The following RBMS3 variants were observed in gnomAD, a reference collection of about 807,000 sequenced individuals.
The protein encoded by RBMS3 is RNA binding motif single stranded interacting protein 3, also known as RNA-binding motif, single-stranded-interacting protein 3.
In RBMS3, 27 loss-of-function variants were observed where a neutral mutation model predicts 66.8. The ratio of observed to expected loss-of-function variants is 0.40; its 90% CI spans 0.30 to 0.56. The LOEUF is 0.56. RBMS3 is among the 20% of genes least tolerant of loss of function. The probability of loss-of-function intolerance (pLI) is 0.40; values close to 1 mark genes in which losing one functional copy is unlikely to be tolerated. For synonymous variants in RBMS3, 188 were observed against 183.0 expected, an observed-to-expected ratio of 1.03 and a Z score of -0.22; for missense variants, 513 against 549.5, an observed-to-expected ratio of 0.93 and a Z score of 0.66.
chr3:29,312,654 G>C (rs1575522231), intron 1 of RBMS3, among the ~76,000 whole-genome samples: 1 of 149,054 alleles, frequency 6.7e-6, no homozygotes, highest in South Asian at 2.1e-4. Flanking sequence ...CTGTCCCTTT[G>C]TCACTCTCTC....
chr3:29,846,061 G>GA (rs1191162083), intron 6 of RBMS3, among the ~76,000 whole-genome samples: 2 of 150,868 alleles, frequency 1.3e-5, no homozygotes, highest in African/African-American at 2.5e-5. Flanking sequence ...TTTTGTCTAT[G>GA]AAAAAAAGTT....
chr3:29,564,320 A>G (rs974654825), intron 3 of RBMS3, among the ~76,000 whole-genome samples: 1 of 151,974 alleles, frequency 6.6e-6, no homozygotes, highest in Non-Finnish European at 1.5e-5. Context: ...CACTAAAAAT[A>G]CAAAAAATAC....
At chr3:29,323,773 G>A (rs2035156269) in intron 1 of RBMS3, among the ~76,000 whole-genome samples, 1 of 150,674 alleles carries the variant, frequency 6.6e-6, no homozygotes, top group Non-Finnish European at 1.5e-5. Flanking sequence ...CAATAATTTA[G>A]TATCTCTTCA....
intron 4 of RBMS3, among the ~76,000 whole-genome samples, chr3:29,693,885 C>T (rs577528705): frequency 1.3e-5 from 2 of 152,212 alleles, no homozygotes; most frequent in East Asian, 3.9e-4. Flanking sequence ...TTGTTTTGTT[C>T]TTTAAAGGCA....
At chr3:29,487,439 A>G (rs2043363358) in intron 2 of RBMS3, among the ~76,000 whole-genome samples, 1 of 152,222 alleles carries the variant, frequency 6.6e-6, no homozygotes, top group Non-Finnish European at 1.5e-5. Context: ...ATTATCTTTT[A>G]GCAAATAACT....
At chr3:29,282,162 T>G (rs1482262056) in intron 1 of RBMS3, among the ~76,000 whole-genome samples, 1 of 152,134 alleles carries the variant, frequency 6.6e-6, no homozygotes, top group African/African-American at 2.4e-5. Flanking sequence ...TAAAAGGGTT[T>G]TTCCCACTGG....
chr3:29,952,705 T>A (rs1033974552), intron 12 of RBMS3, among the ~76,000 whole-genome samples: 1 of 151,822 alleles, frequency 6.6e-6, no homozygotes, highest in African/African-American at 2.4e-5. Flanking sequence ...CCACCCAAGA[T>A]ATTGTTTATT....
intron 7 of RBMS3, among the ~76,000 whole-genome samples, chr3:29,871,553 C>T (rs1200436180): frequency 2.6e-5 from 4 of 151,898 alleles, no homozygotes. Context: ...TTTGTTTTTG[C>T]TTGTTTGTTT....
At chr3:29,370,347 G>T (rs749279483) in intron 1 of RBMS3, among the ~76,000 whole-genome samples, 89 of 152,276 alleles carry the variant, frequency 5.8e-4, no homozygotes, top group Non-Finnish European at 6.6e-4. Flanking sequence ...TTCTGTTCAG[G>T]TTGTACATCC....
At chr3:29,309,712 G>T (rs1005376153) in intron 1 of RBMS3, among the ~76,000 whole-genome samples, 1 of 151,618 alleles carries the variant, frequency 6.6e-6, no homozygotes, top group African/African-American at 2.4e-5. Flanking sequence ...ATGCCAAAAG[G>T]AATTGTTAGG....
At chr3:29,437,458 G>C (rs1208922705) in intron 2 of RBMS3, among the ~76,000 whole-genome samples, 1 of 152,214 alleles carries the variant, frequency 6.6e-6, no homozygotes, top group Non-Finnish European at 1.5e-5. Flanking sequence ...ATGTGCATTT[G>C]ATAAAGAATA....
chr3:29,863,972 G>A (rs1283503358), intron 6 of RBMS3, among the ~76,000 whole-genome samples: 2 of 152,096 alleles, frequency 1.3e-5, no homozygotes, highest in Non-Finnish European at 2.9e-5. Flanking sequence ...AATTGGGAAA[G>A]ACCTGCCTTT....
At chr3:29,697,213 G>A (rs1201208582) in intron 4 of RBMS3, 5 of 689,316 alleles carry the variant, frequency 7.3e-6, no homozygotes, top group Non-Finnish European at 8.9e-6. Context: ...TGATACAATT[G>A]GTTTATATTA....
At chr3:29,325,279 C>A (rs957033842) in intron 1 of RBMS3, among the ~76,000 whole-genome samples, 1 of 151,960 alleles carries the variant, frequency 6.6e-6, no homozygotes, top group Non-Finnish European at 1.5e-5. Context: ...TTTTATTGCT[C>A]TTAGTAAACA....
intron 4 of RBMS3, among the ~76,000 whole-genome samples, chr3:29,684,519 A>T (rs912590285): frequency 2.6e-5 from 4 of 152,196 alleles, no homozygotes; most frequent in Non-Finnish European, 5.9e-5. Flanking sequence ...GGACTTATTC[A>T]ACTGTATATG....
intron 14 of RBMS3, among the ~76,000 whole-genome samples, chr3:29,999,855 A>ATATGTAACAAAC (rs1227656855): frequency 6.6e-6 from 1 of 152,098 alleles, no homozygotes; most frequent in Admixed American, 6.5e-5. Context: ...ACATGTGTAC[A>ATATGTAACAAAC]TATGTAACAA....
intron 5 of RBMS3, among the ~76,000 whole-genome samples, chr3:29,743,126 T>A (rs1243087316): frequency 6.6e-6 from 1 of 152,212 alleles, no homozygotes; most frequent in African/African-American, 2.4e-5. Flanking sequence ...TATTTTTAGC[T>A]GTACCATAAA....
At chr3:29,393,569 AC>A (rs2039406809) in intron 1 of RBMS3, among the ~76,000 whole-genome samples, 1 of 152,188 alleles carries the variant, frequency 6.6e-6, no homozygotes, top group African/African-American at 2.4e-5. Context: ...ATGACATAGG[AC>A]AAAAACTCTA....
At chr3:29,837,445 A>G (rs1353375405) in intron 6 of RBMS3, among the ~76,000 whole-genome samples, 2 of 151,388 alleles carry the variant, frequency 1.3e-5, no homozygotes, top group African/African-American at 4.8e-5. Flanking sequence ...TGTACCATTC[A>G]GTAAAAGTAG....
Sources: gnomAD v4.1 joint callset for allele counts (sites outside exome capture counted in the v4.1 genomes callset) on GRCh38, gnomAD v4.1.1 for gene constraint, MANE v1.5 for transcripts, NCBI Gene and HGNC (gene_info 2026-07-23, HGNC 2026-07-21) for gene names.